The following STK32B variants were observed in gnomAD, a reference collection of about 807,000 sequenced individuals.
The protein encoded by STK32B is serine/threonine-protein kinase 32B.
A neutral mutation model predicts 52.6 loss-of-function variants in STK32B; 43 were observed. The ratio of observed to expected loss-of-function variants is 0.82; its 90% confidence interval spans 0.64 to 1.05. The LOEUF (loss-of-function observed/expected upper bound fraction) is 1.05, where lower values mean the gene tolerates loss of function less well. STK32B is among the 50% of genes least tolerant of loss of function. STK32B has a pLI of 0.00. For synonymous variants in STK32B, 238 were observed against 204.3 expected (o/e 1.17, Z -1.41); for missense variants, 621 against 534.6 (o/e 1.16, Z -1.59).
intron 1 of STK32B, among the ~76,000 whole-genome samples, chr4:5,121,812 T>A (rs13146687): frequency 0.19 from 29,281 of 152,144 alleles, 2,985 homozygotes; most frequent in East Asian, 0.27. Flanking sequence ...AGGAGACTGC[T>A]GTCCCCAGGG....
intron 3 of STK32B, among the ~76,000 whole-genome samples, chr4:5,252,272 C>G (rs1264844529): frequency 2.6e-5 from 4 of 152,196 alleles, no homozygotes; most frequent in African/African-American, 9.6e-5. Context: ...TGGCTCTCCA[C>G]CATGTTTTAG....
intron 2 of STK32B, among the ~76,000 whole-genome samples, chr4:5,149,388 CTCT>C (rs1459522437): frequency 6.6e-6 from 1 of 151,652 alleles, no homozygotes; most frequent in Non-Finnish European, 1.5e-5. Flanking sequence ...TTCTTCTTAC[CTCT>C]TCTTTTTTTC....
chr4:5,491,087 C>T (rs1472523195), intron 11 of STK32B, among the ~76,000 whole-genome samples: 1 of 152,092 alleles, frequency 6.6e-6, no homozygotes, highest in African/African-American at 2.4e-5. Flanking sequence ...GGGTATATAC[C>T]CAGTAATGGG....
At chr4:5,241,736 C>A (rs1725041785) in intron 3 of STK32B, among the ~76,000 whole-genome samples, 1 of 152,060 alleles carries the variant, frequency 6.6e-6, no homozygotes, top group African/African-American at 2.4e-5. Context: ...CTCCCACCAC[C>A]CCACAACAGT....
chr4:5,410,967 A>G (rs1475291306), intron 5 of STK32B, among the ~76,000 whole-genome samples: 1 of 152,046 alleles, frequency 6.6e-6, no homozygotes, highest in Non-Finnish European at 1.5e-5. Context: ...ATGGAAGATC[A>G]AAACGGTGAA....
intron 1 of STK32B, among the ~76,000 whole-genome samples, chr4:5,101,297 C>T (rs1577068838): frequency 2.6e-5 from 4 of 152,080 alleles, no homozygotes; most frequent in East Asian, 1.9e-4. Flanking sequence ...TGCACTGTTC[C>T]GCAGCATGCC....
chr4:5,438,148 C>A, intron 6 of STK32B: 1 of 984,770 alleles, frequency 1.0e-6, no homozygotes, highest in Non-Finnish European at 1.2e-6. Flanking sequence ...GCTATTGGAG[C>A]TTGTGGGCTG....
chr4:5,185,212 T>TA (rs1233968270), intron 3 of STK32B, among the ~76,000 whole-genome samples: 4 of 152,268 alleles, frequency 2.6e-5, no homozygotes, highest in African/African-American at 9.6e-5. Context: ...GACTCACTGT[T>TA]AATCTGTTTT....
At chr4:5,393,572 G>A (rs1226630969) in intron 4 of STK32B, among the ~76,000 whole-genome samples, 1 of 152,156 alleles carries the variant, frequency 6.6e-6, no homozygotes, top group African/African-American at 2.4e-5. Flanking sequence ...AGTGGAAGCA[G>A]GCATGTCTTA....
At chr4:5,457,941 A>G (rs1476197482) in intron 8 of STK32B, among the ~76,000 whole-genome samples, 1 of 112,942 alleles carries the variant, frequency 8.9e-6, no homozygotes, top group Non-Finnish European at 2.0e-5. Context: ...GGAGGGAGGG[A>G]AGGAAGGAAG....
At chr4:5,141,658 C>G (rs1277188746) in intron 2 of STK32B, among the ~76,000 whole-genome samples, 3 of 152,048 alleles carry the variant, frequency 2.0e-5, no homozygotes, top group East Asian at 1.9e-4. Flanking sequence ...AGGTGGTGGC[C>G]TGGGGCACAT....
intron 6 of STK32B, among the ~76,000 whole-genome samples, chr4:5,432,109 A>G (rs752255031): frequency 6.6e-6 from 1 of 152,236 alleles, no homozygotes. Context: ...AAATGCGTCA[A>G]TAAGTTGTCT....
Position 5,056,191 on chromosome 4 carries a change from G to A in STK32B, c.52+4276G>A, listed in dbSNP as rs565398185. Among the ~76,000 whole-genome samples the A allele has an allele frequency of 1.7e-3, 252 of 152,200 alleles. 2 individuals carry two copies. The highest frequency in any genetic ancestry group is 3.1e-3 in the Non-Finnish European group (213 of 68,022). On this transcript the variant is annotated intron_variant, in intron 1 of 11. Coordinates refer to ENST00000282908, the MANE Select transcript of STK32B (RefSeq NM_018401.3). ...CACTCCTTATGAGAATCTAACTAACGCCTGATGATCTCAGGTGGAACAGTT... is the reference window on the plus strand; with the variant it reads ...CACTCCTTATGAGAATCTAACTAACACCTGATGATCTCAGGTGGAACAGTT...
chr4:5,388,258 C>G (rs913523368), intron 4 of STK32B, among the ~76,000 whole-genome samples: 2 of 152,218 alleles, frequency 1.3e-5, no homozygotes, highest in African/African-American at 4.8e-5. Context: ...CTCCATGTTT[C>G]TTTCTGCCAC....
intron 3 of STK32B, among the ~76,000 whole-genome samples, chr4:5,175,672 C>G (rs1719813351): frequency 6.6e-6 from 1 of 152,162 alleles, no homozygotes; most frequent in African/African-American, 2.4e-5. Context: ...AGTTTTGTCT[C>G]AGAGGAGTAC....
chr4:5,233,582 G>T (rs572638919), intron 3 of STK32B, among the ~76,000 whole-genome samples: 18 of 152,006 alleles, frequency 1.2e-4, no homozygotes, highest in Middle Eastern at 6.8e-3. Context: ...TTCAAGACTG[G>T]AGCAATTAAA....
At chr4:5,146,190 A>ATTGCC (rs1291036360) in intron 2 of STK32B, among the ~76,000 whole-genome samples, 2 of 152,052 alleles carry the variant, frequency 1.3e-5, no homozygotes, top group Non-Finnish European at 2.9e-5. Flanking sequence ...ATTAAGGAGA[A>ATTGCC]TTGCCTCACA....
chr4:5,243,178 A>G (rs535127652), intron 3 of STK32B, among the ~76,000 whole-genome samples: 111 of 152,202 alleles, frequency 7.3e-4, no homozygotes, highest in African/African-American at 2.6e-3. Flanking sequence ...CAGTATGGCC[A>G]TTTTCACGAT....
chr4:5,341,729 G>A (rs563574396), intron 4 of STK32B, among the ~76,000 whole-genome samples: 5 of 152,314 alleles, frequency 3.3e-5, no homozygotes, highest in African/African-American at 1.2e-4. Context: ...CATGCTGCTG[G>A]CATCTGTTCG....
Sources: allele counts gnomAD v4.1 joint callset (sites outside exome capture counted in the v4.1 genomes callset), GRCh38; gene constraint gnomAD v4.1.1; transcripts MANE v1.5; gene names NCBI Gene and HGNC (gene_info 2026-07-23, HGNC 2026-07-21).